ZBTB20: variants seen among roughly 807,000 people sequenced by gnomAD.
ZBTB20 encodes the protein zinc finger and BTB domain-containing protein 20.
A neutral mutation model predicts 56.9 loss-of-function variants in ZBTB20; 9 were observed. The observed-to-expected ratio is 0.16, with a 90% CI of 0.10 to 0.28. The LOEUF (loss-of-function observed/expected upper bound fraction) is 0.28, where lower values mean the gene tolerates loss of function less well. Among genes scored for constraint, ZBTB20 ranks in the 10% least tolerant of loss-of-function variants. ZBTB20 has a pLI of 1.00. For synonymous variants in ZBTB20, 417 were observed against 420.7 expected (o/e 0.99, Z 0.11); for missense variants, 655 against 1,003.0 (o/e 0.65, Z 4.69).
intron 5 of ZBTB20, among the ~76,000 whole-genome samples, chr3:114,787,364 T>TACACACAC (rs1181356405): frequency 3.0e-5 from 3 of 99,570 alleles, no homozygotes; most frequent in African/African-American, 1.6e-4. Flanking sequence ...TATATATATA[T>TACACACAC]ATATACACAC....
intron 6 of ZBTB20, among the ~76,000 whole-genome samples, chr3:114,681,323 G>T (rs2061961153): frequency 6.6e-6 from 1 of 152,082 alleles, no homozygotes; most frequent in African/African-American, 2.4e-5. Flanking sequence ...ACCACGCCCG[G>T]TTAATTTTTG....
intron 4 of ZBTB20, among the ~76,000 whole-genome samples, chr3:114,807,296 C>T (rs1022851217): frequency 2.6e-5 from 4 of 151,732 alleles, no homozygotes; most frequent in Admixed American, 2.6e-4. Context: ...GGTGTATGTA[C>T]ATTGCTTAGA....
At chr3:114,495,129 C>G (rs7637881) in intron 7 of ZBTB20, among the ~76,000 whole-genome samples, 2 of 152,204 alleles carry the variant, frequency 1.3e-5, no homozygotes, top group East Asian at 3.8e-4. Context: ...GCATACACAA[C>G]GCTCAACAAT....
At chr3:114,362,685 T>C (rs1216713422) in intron 10 of ZBTB20, among the ~76,000 whole-genome samples, 1 of 152,162 alleles carries the variant, frequency 6.6e-6, no homozygotes, top group Non-Finnish European at 1.5e-5. Context: ...TGTCTCTGTC[T>C]CCCTGATTCC....
At chr3:114,905,046 A>G (rs150461408) in intron 3 of ZBTB20, among the ~76,000 whole-genome samples, 1 of 152,078 alleles carries the variant, frequency 6.6e-6, no homozygotes, top group East Asian at 1.9e-4. Flanking sequence ...TAAACATGAT[A>G]AATTTGAACT....
chr3:114,818,351 T>C (rs1269720507), intron 4 of ZBTB20, among the ~76,000 whole-genome samples: 1 of 152,160 alleles, frequency 6.6e-6, no homozygotes, highest in Non-Finnish European at 1.5e-5. Flanking sequence ...ATAAAGTTTT[T>C]TCTAGTTATG....
At chr3:114,344,693 G>T (rs1254544340) in intron 11 of ZBTB20, among the ~76,000 whole-genome samples, 8 of 152,158 alleles carry the variant, frequency 5.3e-5, no homozygotes, top group African/African-American at 1.7e-4. Context: ...CCTTATACTT[G>T]TTACTTTACA....
intron 6 of ZBTB20, among the ~76,000 whole-genome samples, chr3:114,640,732 A>C (rs1340674107): frequency 6.6e-6 from 1 of 152,104 alleles, no homozygotes; most frequent in Non-Finnish European, 1.5e-5. Flanking sequence ...AGGACAAATT[A>C]AAGTAGACTC....
At chr3:114,995,375 T>A (rs924639878) in intron 2 of ZBTB20, among the ~76,000 whole-genome samples, 1 of 151,924 alleles carries the variant, frequency 6.6e-6, no homozygotes, top group Non-Finnish European at 1.5e-5. Flanking sequence ...CATTGTGAGT[T>A]TTCAAAAGCT....
intron 10 of ZBTB20, among the ~76,000 whole-genome samples, chr3:114,363,306 C>G (rs866747360): frequency 2.6e-5 from 4 of 151,968 alleles, no homozygotes; most frequent in Admixed American, 2.6e-4. Context: ...GCCGAGAGAG[C>G]CAGCAGAGAG....
intron 4 of ZBTB20, among the ~76,000 whole-genome samples, chr3:114,815,581 A>G (rs1014891119): frequency 3.3e-5 from 5 of 152,348 alleles, no homozygotes; most frequent in Non-Finnish European, 7.4e-5. Context: ...TGTTTTCTAT[A>G]AAATTAATTT....
In ZBTB20 at chr3:114,956,134, C is replaced by T. The variant is rs188905093; in HGVS notation, c.-456+18232G>A. On this transcript the variant is annotated intron_variant, in intron 3 of 11. Coordinates refer to ENST00000675478, the MANE Select transcript of ZBTB20 (RefSeq NM_001348800.3). Reference sequence around the variant, plus strand: ...AGTATGCAAAAAAATGCTAATCAAACTCAGCTCATAGGAGCAGGAGCTGAA... The same window carrying T: ...AGTATGCAAAAAAATGCTAATCAAATTCAGCTCATAGGAGCAGGAGCTGAA... 7.9e-5 allele frequency among the ~76,000 whole-genome samples: 12 copies of T among 152,300 alleles called. No individual in the cohort carries two copies. In the East Asian group the frequency reaches 2.1e-3, roughly 27 times the overall value.
chr3:114,888,673 A>G (rs1032826413), intron 4 of ZBTB20, among the ~76,000 whole-genome samples: 4 of 152,184 alleles, frequency 2.6e-5, no homozygotes, highest in Non-Finnish European at 4.4e-5. Flanking sequence ...ATATACTATC[A>G]TGAGACTTGG....
At chr3:114,406,566 C>A (rs1465882270) in intron 7 of ZBTB20, among the ~76,000 whole-genome samples, 1 of 152,102 alleles carries the variant, frequency 6.6e-6, no homozygotes, top group African/African-American at 2.4e-5. Context: ...CTGCGCCTTA[C>A]TCGAGATGAC....
intron 5 of ZBTB20, among the ~76,000 whole-genome samples, chr3:114,745,425 A>G (rs187004219): frequency 1.3e-5 from 2 of 152,298 alleles, no homozygotes; most frequent in Admixed American, 6.5e-5. Flanking sequence ...CCTCTTACAC[A>G]TAAGGGAAGA....
chr3:114,952,425 T>A (rs977208651), intron 3 of ZBTB20, among the ~76,000 whole-genome samples: 1 of 152,086 alleles, frequency 6.6e-6, no homozygotes, highest in Admixed American at 6.6e-5. Context: ...CAAATAAATA[T>A]GTCTGTTCTG....
chr3:114,755,797 T>G, intron 5 of ZBTB20, among the ~76,000 whole-genome samples: 1 of 152,274 alleles, frequency 6.6e-6, no homozygotes, highest in Middle Eastern at 3.4e-3. Flanking sequence ...CCTTCAATTC[T>G]TTACAGTGGG....
chr3:114,998,346 C>T (rs1050169052), intron 2 of ZBTB20, among the ~76,000 whole-genome samples: 5 of 151,696 alleles, frequency 3.3e-5, no homozygotes, highest in African/African-American at 1.2e-4. Context: ...AGCTGTTGTG[C>T]CATCACAAAA....
chr3:115,032,744 C>T (rs2080743061), intron 2 of ZBTB20, among the ~76,000 whole-genome samples: 1 of 150,832 alleles, frequency 6.6e-6, no homozygotes, highest in Non-Finnish European at 1.5e-5. Context: ...AAAATGAAAA[C>T]AGTTAGGCAA....
Sources: gnomAD v4.1 joint callset for allele counts (sites outside exome capture counted in the v4.1 genomes callset) on GRCh38, gnomAD v4.1.1 for gene constraint, MANE v1.5 for transcripts, NCBI Gene and HGNC (gene_info 2026-07-23, HGNC 2026-07-21) for gene names.